Variants in MYO1E observed in about 807,000 individuals in gnomAD.
MYO1E encodes the protein myosin IE.
A neutral mutation model predicts 151.1 loss-of-function variants in MYO1E; 68 were observed. That is an observed-to-expected ratio of 0.45 (90% CI 0.37 to 0.55). The LOEUF is 0.55. Among genes scored for constraint, MYO1E ranks in the 20% least tolerant of loss-of-function variants. The pLI is 0.00. For missense variants in MYO1E, 1,363 were observed against 1,389.3 expected (o/e 0.98, Z 0.30); for synonymous variants, 601 against 501.7 (o/e 1.20, Z -2.64).
intron 22 of MYO1E, among the ~76,000 whole-genome samples, chr15:59,165,616 G>T (rs1372106862): frequency 6.6e-6 from 1 of 152,200 alleles, no homozygotes; most frequent in Non-Finnish European, 1.5e-5. Context: ...GGGCCAACGT[G>T]CCAGTTCCAT....
At chr15:59,149,247 G>A (rs1295612298) in intron 26 of MYO1E, among the ~76,000 whole-genome samples, 4 of 151,870 alleles carry the variant, frequency 2.6e-5, no homozygotes, top group Non-Finnish European at 4.4e-5. Context: ...TAGTGGAGAC[G>A]GGGTTTCACC....
intron 26 of MYO1E, among the ~76,000 whole-genome samples, chr15:59,139,414 T>A (rs2079395130): frequency 6.8e-6 from 1 of 147,406 alleles, no homozygotes; most frequent in African/African-American, 2.5e-5. Flanking sequence ...TCATTATTAC[T>A]CCTCACACTT....
chr15:59,180,544 CTTT>C (rs796277432), intron 18 of MYO1E, among the ~76,000 whole-genome samples: 1 of 144,350 alleles, frequency 6.9e-6, no homozygotes, highest in African/African-American at 2.6e-5. Context: ...CTGCGTTTCT[CTTT>C]TTTTTTTTTT....
At chr15:59,261,035 G>C (rs1448064738) in intron 3 of MYO1E, among the ~76,000 whole-genome samples, 1 of 151,970 alleles carries the variant, frequency 6.6e-6, no homozygotes, top group Non-Finnish European at 1.5e-5. Flanking sequence ...CCAACATGGT[G>C]AAATACCGTC....
At chr15:59,249,342 T>C (rs140796516) in intron 4 of MYO1E, among the ~76,000 whole-genome samples, 1,524 of 151,442 alleles carry the variant, frequency 0.01, 28 homozygotes, top group African/African-American at 0.035. Flanking sequence ...AGAAAATCAC[T>C]TGTACCTGGG....
intron 1 of MYO1E, among the ~76,000 whole-genome samples, chr15:59,322,134 C>T (rs1020543546): frequency 2.6e-5 from 4 of 151,414 alleles, no homozygotes; most frequent in African/African-American, 7.3e-5. Context: ...AAGTTCACAC[C>T]ACTGCACTCC....
chr15:59,165,291 G>T (rs77279328), intron 22 of MYO1E, among the ~76,000 whole-genome samples: 5,715 of 152,254 alleles, frequency 0.038, 324 homozygotes, highest in African/African-American at 0.13. Flanking sequence ...TTCACTGGAA[G>T]CAAGAGGCCA....
At chr15:59,166,053 A>G (rs1188702771) in intron 22 of MYO1E, among the ~76,000 whole-genome samples, 2 of 152,216 alleles carry the variant, frequency 1.3e-5, no homozygotes, top group African/African-American at 2.4e-5. Context: ...TTATAACGAA[A>G]AAAGCAAGCA....
intron 1 of MYO1E, among the ~76,000 whole-genome samples, chr15:59,288,784 T>C (rs1431368817): frequency 2.0e-5 from 3 of 152,180 alleles, no homozygotes; most frequent in African/African-American, 4.8e-5. Context: ...AATTTGAATA[T>C]GGGATTCTGA....
intron 1 of MYO1E, among the ~76,000 whole-genome samples, chr15:59,302,472 C>T (rs2080488834): frequency 6.6e-6 from 1 of 152,218 alleles, no homozygotes; most frequent in Non-Finnish European, 1.5e-5. Flanking sequence ...GCCGCTTAGT[C>T]TCACTTTCCT....
chr15:59,201,912 A>T (rs1403503322), intron 16 of MYO1E, among the ~76,000 whole-genome samples: 3 of 152,140 alleles, frequency 2.0e-5, no homozygotes, highest in African/African-American at 7.2e-5. Flanking sequence ...CCCCTAAAAG[A>T]CCAAGTAGAA....
At chr15:59,372,467 G>A (rs1206786642) in intron 1 of MYO1E, 31 bp downstream of exon 1, 2 of 1,537,534 alleles carry the variant, frequency 1.3e-6, no homozygotes, top group Admixed American at 2.0e-5. Context: ...CCCCGGGTCC[G>A]GCGTCCTAGG....
intron 6 of MYO1E, among the ~76,000 whole-genome samples, chr15:59,230,187 G>A (rs2080017936): frequency 1.3e-5 from 2 of 150,272 alleles, no homozygotes; most frequent in Non-Finnish European, 3.0e-5. Flanking sequence ...TCTCATCCAT[G>A]ATGGTGAATA....
chr15:59,322,305 C>T (rs1449390563), intron 1 of MYO1E, among the ~76,000 whole-genome samples: 1 of 152,132 alleles, frequency 6.6e-6, no homozygotes, highest in Non-Finnish European at 1.5e-5. Flanking sequence ...TGCACATGTA[C>T]CCCTTGAATC....
chr15:59,317,681 G>T (rs1471732627), intron 1 of MYO1E, among the ~76,000 whole-genome samples: 1 of 152,208 alleles, frequency 6.6e-6, no homozygotes, highest in Non-Finnish European at 1.5e-5. Context: ...CCCTGTGTAA[G>T]AAAGGGAGGC....
At position 59,153,590 on chromosome 15, in the gene MYO1E, C is replaced by T; in HGVS notation, c.3080G>A (p.Gly1027Glu). Residue 1027 changes from glycine (G) to glutamate (E), a missense_variant and splice_region_variant, in exon 26 of 28, where the codon GGG becomes GAG. Transcript: ENST00000288235. Reference sequence around the variant, plus strand: ...CATCCAGAGGATGTGAGAATCTTACCCTGCAGCTCCCTGGTCCGGGACCTT... The same window carrying T: ...CATCCAGAGGATGTGAGAATCTTACTCTGCAGCTCCCTGGTCCGGGACCTT... Reference protein sequence around the residue: ...FLKVPDQGAAGVRRQTTSRPP... With the variant: ...FLKVPDQGAAEVRRQTTSRPP... 1 of 1,613,956 alleles carries T rather than the reference C, an allele frequency of 6.2e-7. No homozygotes were observed. Among genetic ancestry groups the T allele is most frequent in the Non-Finnish European group, 8.5e-7 (1 of 1,179,982 alleles).
intron 1 of MYO1E, among the ~76,000 whole-genome samples, chr15:59,284,288 C>T (rs2080374323): frequency 1.3e-5 from 2 of 152,172 alleles, no homozygotes; most frequent in Non-Finnish European, 2.9e-5. Context: ...CCAGAGTCTG[C>T]TCCAAGGAAG....
At chr15:59,327,231 A>G (rs1335022689) in intron 1 of MYO1E, among the ~76,000 whole-genome samples, 3 of 152,098 alleles carry the variant, frequency 2.0e-5, no homozygotes, top group Non-Finnish European at 4.4e-5. Flanking sequence ...TGGACCCACC[A>G]GTGCAGCCGT....
intron 12 of MYO1E, among the ~76,000 whole-genome samples, chr15:59,213,811 T>C (rs1405004126): frequency 6.6e-6 from 1 of 152,148 alleles, no homozygotes. Context: ...CTCAGGTAAG[T>C]ATTCAAATAC....
Sources: allele counts gnomAD v4.1 joint callset (sites outside exome capture counted in the v4.1 genomes callset), GRCh38; gene constraint gnomAD v4.1.1; transcripts MANE v1.5; gene names NCBI Gene and HGNC (gene_info 2026-07-23, HGNC 2026-07-21).